Variants in CSMD1 observed in about 807,000 individuals in gnomAD.
The protein encoded by CSMD1 is CUB and Sushi multiple domains 1.
A neutral mutation model predicts 417.5 loss-of-function variants in CSMD1; 213 were observed. The observed-to-expected ratio is 0.51, with a 90% confidence interval of 0.46 to 0.57. The LOEUF (loss-of-function observed/expected upper bound fraction) is 0.57. CSMD1 is among the 20% of genes least tolerant of loss of function. CSMD1 has a pLI of 0.00. For missense variants in CSMD1, 6,923 were observed against 4,529.7 expected (o/e 1.53, Z -15.17); for synonymous variants, 2,862 against 1,736.8 (o/e 1.65, Z -16.11).
In CSMD1 at chr8:3,396,275, T is replaced by C; in HGVS notation, c.2512A>G (p.Ile838Val). Residue 838 changes from isoleucine to valine, a missense_variant, in exon 17 of 70, where the codon ATC becomes GTC. Transcript: ENST00000635120. ...YHGTQAPQFL[I>V]STGNFMYLLF... ...AGGTACATGAAGTTCCCGGTGCTGA[T>C]GAGGAACTGGGGTGCCTGGGTGCCG... 1 of 1,596,690 alleles carries C rather than the reference T, an allele frequency of 6.3e-7. No homozygotes were observed. Among genetic ancestry groups the C allele is most frequent in the Non-Finnish European group, 8.5e-7 (1 of 1,171,282 alleles).
chr8:4,862,027 G>T (rs1802166312), intron 1 of CSMD1, among the ~76,000 whole-genome samples: 1 of 152,068 alleles, frequency 6.6e-6, no homozygotes, highest in Admixed American at 6.6e-5. Context: ...TTACTGAACA[G>T]GAGGGATTGC....
chr8:3,687,825 C>T (rs1285151860), intron 7 of CSMD1, among the ~76,000 whole-genome samples: 1 of 152,176 alleles, frequency 6.6e-6, no homozygotes, highest in Non-Finnish European at 1.5e-5. Context: ...AGAAAGGTAG[C>T]ACTGCTCTCT....
chr8:3,043,470 T>C (rs1811243852), intron 50 of CSMD1, among the ~76,000 whole-genome samples: 1 of 152,110 alleles, frequency 6.6e-6, no homozygotes, highest in Non-Finnish European at 1.5e-5. Flanking sequence ...AGTATCAAGC[T>C]AGTATTGCTC....
intron 50 of CSMD1, among the ~76,000 whole-genome samples, chr8:3,048,374 CA>C (rs1457582902): frequency 6.6e-6 from 1 of 151,956 alleles, no homozygotes; most frequent in African/African-American, 2.4e-5. Context: ...ATGTTACTGG[CA>C]AAAAAGTAGA....
chr8:4,648,071 G>C (rs955973628), intron 1 of CSMD1, among the ~76,000 whole-genome samples: 1 of 152,148 alleles, frequency 6.6e-6, no homozygotes, highest in Admixed American at 6.5e-5. Context: ...AGTCTCACAA[G>C]CATCTGTTGT....
Position 4,129,188 on chromosome 8 carries a change from C to A in CSMD1, c.416-97089G>T, listed in dbSNP as rs148961174. On this transcript the variant is annotated intron_variant, in intron 3 of 69. Transcript: ENST00000635120. ...CCCCAACCTCTTCTTCCACTTTCAA[C>A]ATCTACACTTAATATGTTCAAATTC... is the stretch of plus-strand genomic sequence containing the variant. 3.4e-3 allele frequency among the ~76,000 whole-genome samples: 508 copies of A among 151,434 alleles called. 4 individuals carry two copies. The highest frequency in any genetic ancestry group is 0.011 in the African/African-American group (469 of 41,208).
chr8:3,255,577 C>T (rs779996708), intron 26 of CSMD1, among the ~76,000 whole-genome samples: 1 of 152,194 alleles, frequency 6.6e-6, no homozygotes, highest in Non-Finnish European at 1.5e-5. Context: ...GTGGACGCCC[C>T]TCTCCCAGCC....
chr8:4,361,678 C>G lies in CSMD1; in HGVS notation c.415+58275G>C, dbSNP rs1242741587. On this transcript the variant is annotated intron_variant, in intron 3 of 69. Coordinates refer to ENST00000635120, the MANE Select transcript of CSMD1 (RefSeq NM_033225.6). ...GAAGTTTCCTATCAGCAGCCAGGTG[C>G]GACGGCTTGGCTCACGCCTGTAATC... Among the ~76,000 whole-genome samples, 3 of 152,056 alleles carry G rather than the reference C, an allele frequency of 2.0e-5. No individual in the cohort carries two copies. The East Asian group carries it at 5.8e-4, about 29-fold the overall frequency.
intron 5 of CSMD1, among the ~76,000 whole-genome samples, chr8:3,831,146 T>C (rs139723507): frequency 5.3e-4 from 81 of 152,278 alleles, no homozygotes; most frequent in African/African-American, 1.7e-3. Flanking sequence ...GCTTTCACAA[T>C]TCAAAAGAAA....
At chr8:4,026,804 G>A (rs992394827) in intron 4 of CSMD1, among the ~76,000 whole-genome samples, 5 of 152,198 alleles carry the variant, frequency 3.3e-5, no homozygotes, top group African/African-American at 1.2e-4. Context: ...AAATGATTAA[G>A]ATTTATGGCT....
chr8:4,312,569 T>A (rs1307533715), intron 3 of CSMD1, among the ~76,000 whole-genome samples: 1 of 151,896 alleles, frequency 6.6e-6, no homozygotes, highest in South Asian at 2.1e-4. Flanking sequence ...GTTCTATTTA[T>A]GAGCAACAGA....
chr8:4,964,540 A>G (rs1271158906), intron 1 of CSMD1, among the ~76,000 whole-genome samples: 6 of 142,730 alleles, frequency 4.2e-5, no homozygotes, highest in Non-Finnish European at 9.2e-5. Flanking sequence ...GGAAGGAAGG[A>G]AAAAAAAAAA....
intron 12 of CSMD1, among the ~76,000 whole-genome samples, chr8:3,411,733 CA>C (rs1812726405): frequency 7.7e-6 from 1 of 129,242 alleles, no homozygotes; most frequent in African/African-American, 3.1e-5. Flanking sequence ...TACATATATA[CA>C]CGTGTATATA....
intron 2 of CSMD1, among the ~76,000 whole-genome samples, chr8:4,444,043 A>C (rs1184117275): frequency 6.6e-6 from 1 of 152,126 alleles, no homozygotes; most frequent in South Asian, 2.1e-4. Flanking sequence ...TATCTTTGAG[A>C]AGAGTAAGAT....
At chr8:3,504,322 C>T (rs548234828) in intron 10 of CSMD1, among the ~76,000 whole-genome samples, 1 of 152,266 alleles carries the variant, frequency 6.6e-6, no homozygotes, top group East Asian at 1.9e-4. Flanking sequence ...TTGCTGCTTA[C>T]TCAACGAGAG....
rs566954416 is a variant in CSMD1 at position 4,786,564 on chromosome 8, C to T, written c.86-149006G>A. 5.3e-5 allele frequency among the ~76,000 whole-genome samples: 8 copies of T among 152,256 alleles called. No homozygotes were observed. The South Asian group carries it at 1.7e-3, about 32-fold the overall frequency. ...AGACAAGATGCTTATATTTAGAGAG[C>T]ATTTAAAATACAGCAGTGTGGCATT... On this transcript the variant is annotated intron_variant, in intron 1 of 69. Transcript: ENST00000635120.
chr8:4,254,682 A>T (rs1052685565), intron 3 of CSMD1, among the ~76,000 whole-genome samples: 5 of 151,840 alleles, frequency 3.3e-5, no homozygotes, highest in African/African-American at 9.7e-5. Context: ...CTTACGTTTC[A>T]CTCCATATTT....
intron 69 of CSMD1, among the ~76,000 whole-genome samples, chr8:2,940,013 C>T (rs868489402): frequency 6.6e-6 from 1 of 152,280 alleles, no homozygotes; most frequent in Non-Finnish European, 1.5e-5. Flanking sequence ...AGGCTGTCAG[C>T]ACCTTGGGCT....
intron 1 of CSMD1, among the ~76,000 whole-genome samples, chr8:4,908,263 C>T (rs1805431946): frequency 6.6e-6 from 1 of 152,126 alleles, no homozygotes; most frequent in African/African-American, 2.4e-5. Context: ...TAAAGTATTC[C>T]TTCCTGAATT....
Sources: gnomAD v4.1 joint callset for allele counts (sites outside exome capture counted in the v4.1 genomes callset) on GRCh38, gnomAD v4.1.1 for gene constraint, MANE v1.5 for transcripts, NCBI Gene and HGNC (gene_info 2026-07-23, HGNC 2026-07-21) for gene names.